RUNDC3B: variants seen among roughly 807,000 people sequenced by gnomAD.
The protein encoded by RUNDC3B is RUN domain containing 3B, also known as RUN domain-containing protein 3B.
A neutral mutation model predicts 58.4 loss-of-function variants in RUNDC3B; 33 were observed. The ratio of observed to expected loss-of-function variants is 0.56; its 90% CI spans 0.43 to 0.75. The LOEUF is 0.75. Among genes scored for constraint, RUNDC3B ranks in the 30% least tolerant of loss-of-function variants. RUNDC3B has a pLI of 0.00. For missense variants in RUNDC3B, 501 were observed against 535.7 expected, an observed-to-expected ratio of 0.94 and a Z score of 0.64; for synonymous variants, 193 against 195.2, an observed-to-expected ratio of 0.99 and a Z score of 0.10.
chr7:87,736,309 A>T (rs554656724), intron 4 of RUNDC3B, among the ~76,000 whole-genome samples: 1 of 152,326 alleles, frequency 6.6e-6, no homozygotes, highest in African/African-American at 2.4e-5. Context: ...AGATAGTATC[A>T]ACATAATTTA....
chr7:87,775,598 T>G (rs575400899), intron 7 of RUNDC3B, among the ~76,000 whole-genome samples: 2 of 152,348 alleles, frequency 1.3e-5, no homozygotes, highest in Admixed American at 6.5e-5. Flanking sequence ...AACTACCCAC[T>G]TACTGACTCA....
chr7:87,700,610 A>G, intron 3 of RUNDC3B, 56 bp downstream of exon 3: 2 of 1,523,266 alleles, frequency 1.3e-6, no homozygotes, highest in African/African-American at 1.4e-5. Context: ...ATGTATTTGG[A>G]ATAGCAGGAA....
chr7:87,792,846 T>A (rs1310880457), intron 8 of RUNDC3B, among the ~76,000 whole-genome samples: 1 of 151,334 alleles, frequency 6.6e-6, no homozygotes, highest in Non-Finnish European at 1.5e-5. Context: ...AAAGAAATAA[T>A]AAAGTGCAGA....
At chr7:87,828,750 T>C (rs1837974244) in intron 10 of RUNDC3B, among the ~76,000 whole-genome samples, 1 of 152,194 alleles carries the variant, frequency 6.6e-6, no homozygotes, top group African/African-American at 2.4e-5. Flanking sequence ...AGTAATGGGA[T>C]TGCTGGGTCG....
intron 8 of RUNDC3B, among the ~76,000 whole-genome samples, chr7:87,785,467 C>CCTG (rs936608761): frequency 1.8e-4 from 28 of 152,288 alleles, no homozygotes; most frequent in African/African-American, 6.7e-4. Context: ...TGGGACTGGG[C>CCTG]CTGCAGCTTT....
chr7:87,661,215 A>G (rs748307170), intron 2 of RUNDC3B, among the ~76,000 whole-genome samples: 8 of 152,094 alleles, frequency 5.3e-5, no homozygotes, highest in Non-Finnish European at 1.2e-4. Context: ...ACATCAGCAT[A>G]AATAAGGTAT....
At chr7:87,757,723 GAAACA>G (rs1340993164) in intron 6 of RUNDC3B, among the ~76,000 whole-genome samples, 8 of 152,048 alleles carry the variant, frequency 5.3e-5, no homozygotes, top group Non-Finnish European at 1.0e-4. Context: ...TGAACAAAAA[GAAACA>G]AAACTGGAAG....
At chr7:87,738,760 GT>G (rs376933343) in intron 4 of RUNDC3B, among the ~76,000 whole-genome samples, 2 of 151,674 alleles carry the variant, frequency 1.3e-5, no homozygotes, top group Non-Finnish European at 3.0e-5. Flanking sequence ...TAATTTATGG[GT>G]TTTTTTGCAA....
In RUNDC3B at chr7:87,821,786, G is replaced by T. The variant is rs1363029926; in HGVS notation, c.1225+5524G>T. Among the ~76,000 whole-genome samples, 3 of 152,150 alleles carry T rather than the reference G, an allele frequency of 2.0e-5. No homozygotes were observed. The East Asian group carries it at 5.8e-4, about 29-fold the overall frequency. On this transcript the variant is annotated intron_variant, in intron 10 of 10. Coordinates refer to ENST00000394654, the MANE Select transcript of RUNDC3B (RefSeq NM_001134405.2). ...GACAAACCTGACAAAAACCAGCAAT[G>T]GGGAAAGGATTCCCTATTTAATAAA...
intron 2 of RUNDC3B, chr7:87,693,937 C>T (rs747420597): frequency 7.4e-6 from 12 of 1,611,032 alleles, no homozygotes; most frequent in South Asian, 5.5e-5. Flanking sequence ...ATGGCTGGCT[C>T]ATCTCCAAAT....
intron 2 of RUNDC3B, among the ~76,000 whole-genome samples, chr7:87,681,511 T>G (rs1826925280): frequency 6.6e-6 from 1 of 150,848 alleles, no homozygotes; most frequent in African/African-American, 2.5e-5. Context: ...TACACTACAC[T>G]GTAATCTATT....
chr7:87,761,939 A>C (rs1833712496), intron 6 of RUNDC3B, among the ~76,000 whole-genome samples: 1 of 151,820 alleles, frequency 6.6e-6, no homozygotes, highest in Non-Finnish European at 1.5e-5. Flanking sequence ...ATAAAGGTGT[A>C]TACAAGTATA....
intron 1 of RUNDC3B, among the ~76,000 whole-genome samples, chr7:87,642,065 G>A (rs1822515341): frequency 6.6e-6 from 1 of 151,608 alleles, no homozygotes; most frequent in African/African-American, 2.4e-5. Context: ...ATTAGATTCA[G>A]CCTTCATCAC....
intron 7 of RUNDC3B, among the ~76,000 whole-genome samples, chr7:87,771,851 C>T (rs879354176): frequency 1.1e-4 from 17 of 152,122 alleles, no homozygotes; most frequent in Non-Finnish European, 2.4e-4. Flanking sequence ...TGATTACATG[C>T]AATAGCAAAA....
intron 2 of RUNDC3B, among the ~76,000 whole-genome samples, chr7:87,691,532 T>G (rs1828012715): frequency 6.6e-6 from 1 of 152,166 alleles, no homozygotes; most frequent in African/African-American, 2.4e-5. Context: ...ATTATATATT[T>G]TATAACAAAA....
chr7:87,815,351 T>G (rs553547562), intron 9 of RUNDC3B, among the ~76,000 whole-genome samples: 19 of 152,128 alleles, frequency 1.2e-4, no homozygotes, highest in Non-Finnish European at 2.6e-4. Flanking sequence ...AAACATATTC[T>G]TTCCCTAGAC....
At chr7:87,773,106 G>A (rs1288233405) in intron 7 of RUNDC3B, among the ~76,000 whole-genome samples, 1 of 151,934 alleles carries the variant, frequency 6.6e-6, no homozygotes, top group Non-Finnish European at 1.5e-5. Flanking sequence ...GGCGGATCAC[G>A]AGGTCAGGAG....
chr7:87,816,338 A>C (rs1837030217), intron 10 of RUNDC3B, 76 bp downstream of exon 10: 1 of 1,096,976 alleles, frequency 9.1e-7, no homozygotes, highest in Non-Finnish European at 1.3e-6. Flanking sequence ...TGATTGCCAG[A>C]GAATAATAGT....
At chr7:87,650,755 C>A (rs1823491854) in intron 1 of RUNDC3B, 67 bp from the exon 2 acceptor site, 3 of 919,644 alleles carry the variant, frequency 3.3e-6, no homozygotes, top group Non-Finnish European at 5.4e-6. Flanking sequence ...TGCCTTCCTC[C>A]CATTTTTTTC....
Sources: allele counts gnomAD v4.1 joint callset (sites outside exome capture counted in the v4.1 genomes callset), GRCh38; gene constraint gnomAD v4.1.1; transcripts MANE v1.5; gene names NCBI Gene and HGNC (gene_info 2026-07-23, HGNC 2026-07-21).